The following TAFA4 variants were observed in gnomAD, a reference collection of about 807,000 sequenced individuals.
The protein encoded by TAFA4 is TAFA chemokine like family member 4.
TAFA4 carries 20 observed loss-of-function variants against 21.1 expected under a neutral mutation model. The observed-to-expected ratio is 0.95, with a 90% CI of 0.67 to 1.38. The LOEUF (loss-of-function observed/expected upper bound fraction) is 1.38. TAFA4 is among the 40% of genes most tolerant of loss of function. The pLI, the probability that TAFA4 is intolerant of heterozygous loss-of-function variation, is 0.00. For synonymous variants in TAFA4, 71 were observed against 67.4 expected, an observed-to-expected ratio of 1.05 and a Z score of -0.26; for missense variants, 211 against 180.9, an observed-to-expected ratio of 1.17 and a Z score of -0.95.
intron 5 of TAFA4, among the ~76,000 whole-genome samples, chr3:68,733,435 C>T (rs1434570669): frequency 6.6e-6 from 1 of 152,150 alleles, no homozygotes; most frequent in African/African-American, 2.4e-5. Flanking sequence ...ACACTCATCG[C>T]CCATCAGTTC....
At chr3:68,818,905 C>T (rs28688375) in intron 3 of TAFA4, among the ~76,000 whole-genome samples, 7 of 152,176 alleles carry the variant, frequency 4.6e-5, no homozygotes, top group African/African-American at 1.7e-4. Flanking sequence ...GAAATAAGCA[C>T]ATGCTGCTGG....
intron 3 of TAFA4, among the ~76,000 whole-genome samples, chr3:68,767,391 C>T (rs1244061682): frequency 1.3e-5 from 2 of 151,752 alleles, no homozygotes; most frequent in East Asian, 1.9e-4. Flanking sequence ...GAAATGATCT[C>T]GGGAACAATA....
intron 3 of TAFA4, among the ~76,000 whole-genome samples, chr3:68,864,223 A>G (rs1263052537): frequency 1.3e-5 from 2 of 152,182 alleles, no homozygotes; most frequent in Admixed American, 1.3e-4. Context: ...TTATATCAAG[A>G]ATATAAAAAG....
chr3:68,914,182 C>G (rs918969436), intron 1 of TAFA4, among the ~76,000 whole-genome samples: 3 of 152,098 alleles, frequency 2.0e-5, no homozygotes, highest in Non-Finnish European at 4.4e-5. Context: ...AAATACTATG[C>G]AACAATGAAG....
chr3:68,762,077 G>A (rs1702766165), intron 3 of TAFA4, among the ~76,000 whole-genome samples: 1 of 151,622 alleles, frequency 6.6e-6, no homozygotes, highest in African/African-American at 2.4e-5. Context: ...GCTCATTATT[G>A]GCGTATGTAT....
intron 3 of TAFA4, among the ~76,000 whole-genome samples, chr3:68,846,903 G>T (rs1277277556): frequency 6.9e-6 from 1 of 144,090 alleles, no homozygotes; most frequent in Non-Finnish European, 1.5e-5. Context: ...CTTCATCCCA[G>T]AGGGGCACTC....
At chr3:68,833,273 C>A (rs1214981162) in intron 3 of TAFA4, among the ~76,000 whole-genome samples, 1 of 152,178 alleles carries the variant, frequency 6.6e-6, no homozygotes, top group African/African-American at 2.4e-5. Context: ...TCTTCTGTGT[C>A]AATCTCGCTG....
chr3:68,736,716 T>C (rs929698844), intron 5 of TAFA4, among the ~76,000 whole-genome samples: 1 of 152,170 alleles, frequency 6.6e-6, no homozygotes, highest in African/African-American at 2.4e-5. Context: ...AAAAAGATAC[T>C]ACTGGAAGCT....
intron 3 of TAFA4, among the ~76,000 whole-genome samples, chr3:68,755,061 C>A (rs1447693102): frequency 6.6e-6 from 1 of 152,120 alleles, no homozygotes; most frequent in African/African-American, 2.4e-5. Context: ...GTGATTCAGG[C>A]CCTTTCAGCA....
At chr3:68,785,467 G>A (rs549901933) in intron 3 of TAFA4, among the ~76,000 whole-genome samples, 1 of 152,360 alleles carries the variant, frequency 6.6e-6, no homozygotes, top group African/African-American at 2.4e-5. Context: ...CCCCGCGCGG[G>A]AAGGCAGCTA....
At chr3:68,860,660 A>T (rs183177335) in intron 3 of TAFA4, among the ~76,000 whole-genome samples, 2 of 152,298 alleles carry the variant, frequency 1.3e-5, no homozygotes, top group Admixed American at 1.3e-4. Context: ...ACTGGGTTGC[A>T]GTTATGTTTT....
chr3:68,856,139 T>C (rs1449166409), intron 3 of TAFA4, among the ~76,000 whole-genome samples: 1 of 151,918 alleles, frequency 6.6e-6, no homozygotes, highest in African/African-American at 2.4e-5. Context: ...ACATGCTGAT[T>C]TGGTTAAACT....
chr3:68,931,835 G>A lies in TAFA4; in HGVS notation c.-123+405C>T, dbSNP rs916091385. On this transcript the variant is annotated intron_variant, in intron 1 of 5. Transcript: ENST00000295569. Reference sequence around the variant, plus strand: ...TTGCTCCTAGAAAGATCCTAGCTCAGATTAAAGGGATGAAGCGCTAAGGTC... The same window carrying A: ...TTGCTCCTAGAAAGATCCTAGCTCAAATTAAAGGGATGAAGCGCTAAGGTC... Among the ~76,000 whole-genome samples the A allele has an allele frequency of 2.6e-5, 4 of 152,162 alleles. 1 individual carries two copies. In the South Asian group the frequency reaches 8.3e-4, roughly 32 times the overall value.
intron 3 of TAFA4, among the ~76,000 whole-genome samples, chr3:68,832,782 T>C (rs1704430757): frequency 6.6e-6 from 1 of 152,252 alleles, no homozygotes. Flanking sequence ...AGATATGCCC[T>C]GCCTCCAGAG....
At chr3:68,882,168 C>T (rs935457251) in intron 2 of TAFA4, among the ~76,000 whole-genome samples, 5 of 152,140 alleles carry the variant, frequency 3.3e-5, no homozygotes, top group South Asian at 2.1e-4. Context: ...TGGTTTTAAA[C>T]GGCTATGTTG....
chr3:68,867,369 C>T (rs1010302488), intron 3 of TAFA4, among the ~76,000 whole-genome samples: 1 of 152,044 alleles, frequency 6.6e-6, no homozygotes, highest in Non-Finnish European at 1.5e-5. Context: ...TGAAGTCTTT[C>T]CCAGACAACA....
At chr3:68,758,730 C>G (rs1382749530) in intron 3 of TAFA4, among the ~76,000 whole-genome samples, 1 of 152,126 alleles carries the variant, frequency 6.6e-6, no homozygotes, top group Admixed American at 6.5e-5. Context: ...TACTCGGCAA[C>G]AGGTACTTAA....
rs1281370478 is a variant in TAFA4 at position 68,904,781 on chromosome 3, A to T, written c.-122-19471T>A. Among the ~76,000 whole-genome samples the T allele has an allele frequency of 1.3e-5, 2 of 152,120 alleles. 1 individual carries two copies. The highest frequency in any genetic ancestry group is 4.8e-5 in the African/African-American group (2 of 41,428). The stretch of plus-strand genomic sequence containing the variant: ...ATTTATCAACTCCTCACTTCTGCTG[A>T]CTCAGGGGCATTAACTTCCAGGTTA... On this transcript the variant is annotated intron_variant, in intron 1 of 5. Coordinates refer to ENST00000295569, the MANE Select transcript of TAFA4 (RefSeq NM_182522.5).
At chr3:68,785,064 C>A (rs115459394) in intron 3 of TAFA4, among the ~76,000 whole-genome samples, 2,208 of 150,896 alleles carry the variant, frequency 0.015, 47 homozygotes, top group African/African-American at 0.051. Context: ...TTCTCCAAGT[C>A]CCCACCAGAA....
Sources: allele counts gnomAD v4.1 joint callset (sites outside exome capture counted in the v4.1 genomes callset), GRCh38; gene constraint gnomAD v4.1.1; transcripts MANE v1.5; gene names NCBI Gene and HGNC (gene_info 2026-07-23, HGNC 2026-07-21).